Variants in FARP2 observed in about 807,000 individuals in gnomAD.
The protein encoded by FARP2 is FERM, ARHGEF and pleckstrin domain-containing protein 2.
Under a neutral mutation model 130.5 loss-of-function variants are expected in FARP2, and 111 were observed. The observed-to-expected ratio is 0.85, with a 90% CI of 0.73 to 1.00. The LOEUF is 1.00. Among genes scored for constraint, FARP2 ranks in the 50% least tolerant of loss-of-function variants. The pLI is 0.00. For synonymous variants in FARP2, 504 were observed against 516.9 expected (o/e 0.98, Z 0.34); for missense variants, 1,385 against 1,346.3 (o/e 1.03, Z -0.45).
intron 8 of FARP2, among the ~76,000 whole-genome samples, chr2:241,424,514 T>C (rs1189680095): frequency 6.6e-6 from 1 of 152,088 alleles, no homozygotes; most frequent in Non-Finnish European, 1.5e-5. Context: ...GCTAGAAAGA[T>C]CTCAGGTTAA....
chr2:241,484,027 G>A, intron 20 of FARP2: 1 of 1,356,486 alleles, frequency 7.4e-7, no homozygotes, highest in East Asian at 3.0e-5. Flanking sequence ...AGCTAGCTGG[G>A]AGCTGACCCA....
At chr2:241,491,034 C>T in intron 22 of FARP2, 27 bp from the exon 23 acceptor site, 1 of 1,541,728 alleles carries the variant, frequency 6.5e-7, no homozygotes, top group Non-Finnish European at 9.0e-7. Flanking sequence ...AGAGCAGAGC[C>T]ACTGAGCCTT....
chr2:241,408,023 G>T (rs912674081), intron 5 of FARP2, among the ~76,000 whole-genome samples: 14 of 152,050 alleles, frequency 9.2e-5, no homozygotes, highest in African/African-American at 3.1e-4. Flanking sequence ...AAATACTTTG[G>T]GTCACTTCTT....
chr2:241,430,732 C>T (rs1245279234), intron 8 of FARP2, among the ~76,000 whole-genome samples: 2 of 152,134 alleles, frequency 1.3e-5, no homozygotes, highest in African/African-American at 4.8e-5. Context: ...TAGCCAGGCA[C>T]AGTGGGTCAT....
chr2:241,472,632 G>T (rs1026016794), intron 18 of FARP2, among the ~76,000 whole-genome samples: 1 of 151,216 alleles, frequency 6.6e-6, no homozygotes, highest in Non-Finnish European at 1.5e-5. Flanking sequence ...TAGGGATTTT[G>T]TTCTGTGTAG....
chr2:241,445,587 G>C (rs1419379518), intron 13 of FARP2: 1 of 152,224 alleles, frequency 6.6e-6, no homozygotes, highest in African/African-American at 2.4e-5. Context: ...TTTCTGCTTT[G>C]TGCTTTGTGG....
chr2:241,425,995 C>G (rs2062931268), intron 8 of FARP2, among the ~76,000 whole-genome samples: 1 of 151,340 alleles, frequency 6.6e-6, no homozygotes, highest in South Asian at 2.1e-4. Flanking sequence ...CACATGACTT[C>G]TGTACAGAGA....
chr2:241,397,339 A>G (rs1347673644), intron 2 of FARP2, among the ~76,000 whole-genome samples: 1 of 152,202 alleles, frequency 6.6e-6, no homozygotes, highest in East Asian at 1.9e-4. Flanking sequence ...TATAATAATA[A>G]TAAAAATAAA....
In FARP2 at chr2:241,482,211, G is replaced by A. The variant is rs1458142469; in HGVS notation, c.2263-1254G>A. Among the ~76,000 whole-genome samples, 1 of 152,222 alleles carries A rather than the reference G, an allele frequency of 6.6e-6. No individual in the cohort carries two copies. The highest frequency in any genetic ancestry group is 1.5e-5 in the Non-Finnish European group (1 of 68,038). The stretch of plus-strand genomic sequence containing the variant: ...CCACAGTTACTACCCTAGGGCTGGG[G>A]AACAAATTTGACAGCTTGGTCAAAG... On this transcript the variant is annotated intron_variant, in intron 19 of 26. Coordinates refer to ENST00000264042, the MANE Select transcript of FARP2 (RefSeq NM_014808.4). This position sits in a 1 kb window ranked among gnomAD's most constrained non-coding sequence, Gnocchi z 4.6.
At position 241,365,695 on chromosome 2, in the gene FARP2, G is replaced by A. The variant is rs115206908; in HGVS notation, c.-24-7389G>A. 9.4e-3 allele frequency among the ~76,000 whole-genome samples: 1,429 copies of A among 152,126 alleles called. 18 individuals carry two copies. Among genetic ancestry groups the A allele is most frequent in the African/African-American group, 0.032 (1,343 of 41,504 alleles). ...CCTTAGGATATATTTTCCTGGTGAC[G>A]TAGAATGAAGTTACTGGGCTTTGAA... On this transcript the variant is annotated intron_variant, in intron 1 of 26. Coordinates refer to ENST00000264042, the MANE Select transcript of FARP2 (RefSeq NM_014808.4).
At chr2:241,387,233 A>C (rs2061805287) in intron 2 of FARP2, 1 of 152,250 alleles carries the variant, frequency 6.6e-6, no homozygotes, top group South Asian at 2.1e-4. Context: ...TAGAGGCTCC[A>C]GCCAGAGCAG....
chr2:241,445,482 T>TA (rs1362132875), intron 13 of FARP2: 1 of 152,182 alleles, frequency 6.6e-6, no homozygotes, highest in Non-Finnish European at 1.5e-5. Context: ...TTTTCCACCT[T>TA]AACAAGACAG....
intron 13 of FARP2, among the ~76,000 whole-genome samples, chr2:241,453,439 G>C (rs76825718): frequency 9.2e-5 from 14 of 151,506 alleles, no homozygotes; most frequent in African/African-American, 3.4e-4. Context: ...TGGCTAACAT[G>C]GTGAAACCCC....
chr2:241,468,828 C>A (rs982295518), intron 18 of FARP2, among the ~76,000 whole-genome samples: 2 of 152,190 alleles, frequency 1.3e-5, no homozygotes, highest in African/African-American at 2.4e-5. Context: ...GCCAAGGTGA[C>A]CTGTTAGAAG....
intron 8 of FARP2, among the ~76,000 whole-genome samples, chr2:241,428,106 A>G (rs1398350119): frequency 6.6e-6 from 1 of 152,078 alleles, no homozygotes. Flanking sequence ...GGATATATAA[A>G]TAATATCTAG....
chr2:241,434,625 G>T (rs534924698), intron 10 of FARP2, among the ~76,000 whole-genome samples: 12 of 152,238 alleles, frequency 7.9e-5, no homozygotes, highest in African/African-American at 2.9e-4. Context: ...GCCAAGGCGG[G>T]TGGATCATTT....
intron 5 of FARP2, among the ~76,000 whole-genome samples, chr2:241,408,731 A>G (rs2062431683): frequency 6.6e-6 from 1 of 152,218 alleles, no homozygotes; most frequent in African/African-American, 2.4e-5. Flanking sequence ...AGTGGTATCA[A>G]TAACTTTTTT....
At chr2:241,436,341 G>A in intron 11 of FARP2, 140 bp from the exon 12 acceptor site, 1 of 697,502 alleles carries the variant, frequency 1.4e-6, no homozygotes, top group Non-Finnish European at 2.6e-6. Flanking sequence ...CCATTCTCCT[G>A]CCCCTTTCAA....
intron 23 of FARP2, 105 bp from the exon 24 acceptor site, chr2:241,491,411 C>G (rs2064904161): frequency 7.8e-7 from 1 of 1,276,476 alleles, no homozygotes; most frequent in Non-Finnish European, 1.1e-6. Flanking sequence ...GCACCAAGGG[C>G]TCCCCATTTC....
Sources: gnomAD v4.1 joint callset for allele counts (sites outside exome capture counted in the v4.1 genomes callset) on GRCh38, gnomAD v4.1.1 for gene constraint, Gnocchi (gnomAD v3.1) non-coding constraint, MANE v1.5 for transcripts, NCBI Gene and HGNC (gene_info 2026-07-23, HGNC 2026-07-21) for gene names.